Variants in SNAP47 observed in about 807,000 individuals in gnomAD.
The protein encoded by SNAP47 is synaptosomal-associated protein 47.
In SNAP47, 20 loss-of-function variants were observed where a neutral mutation model predicts 31.4. That is an observed-to-expected ratio of 0.64 (90% confidence interval 0.45 to 0.93). The LOEUF is 0.93. Among genes scored for constraint, SNAP47 ranks in the 40% least tolerant of loss-of-function variants. The pLI is 0.00. For synonymous variants in SNAP47, 194 were observed against 213.4 expected (o/e 0.91, Z 0.79); for missense variants, 492 against 528.5 (o/e 0.93, Z 0.68).
chr1:227,760,679 G>A (rs1241495813), intron 3 of SNAP47, among the ~76,000 whole-genome samples: 1 of 152,218 alleles, frequency 6.6e-6, no homozygotes, highest in Non-Finnish European at 1.5e-5. Flanking sequence ...CCCTTTCCTT[G>A]GTTAGGAGGT....
At chr1:227,740,286 C>T (rs1558189954) in intron 1 of SNAP47, among the ~76,000 whole-genome samples, 1 of 152,198 alleles carries the variant, frequency 6.6e-6, no homozygotes, top group Non-Finnish European at 1.5e-5. Context: ...CTGCAGAGTC[C>T]ATGAGGCTGC....
intron 3 of SNAP47, among the ~76,000 whole-genome samples, chr1:227,765,895 G>T (rs1663363036): frequency 6.6e-6 from 1 of 152,208 alleles, no homozygotes; most frequent in Non-Finnish European, 1.5e-5. Context: ...GGGGTTGATA[G>T]GCTGGCGGGG....
intron 4 of SNAP47, chr1:227,775,931 A>G: frequency 1.5e-6 from 2 of 1,298,558 alleles, no homozygotes; most frequent in Non-Finnish European, 1.0e-6. Context: ...TGCTCAGGGC[A>G]TGAGGGAGCC....
chr1:227,739,801 C>A (rs1661469802), intron 1 of SNAP47, among the ~76,000 whole-genome samples: 1 of 152,206 alleles, frequency 6.6e-6, no homozygotes, highest in African/African-American at 2.4e-5. Flanking sequence ...CACCCTTGGG[C>A]CCCTGGCCAT....
chr1:227,775,602 A>C (rs1188004884), intron 4 of SNAP47, among the ~76,000 whole-genome samples: 1 of 152,222 alleles, frequency 6.6e-6, no homozygotes, highest in Non-Finnish European at 1.5e-5. Context: ...CAGCGAACGC[A>C]CAAGGCTGGG....
chr1:227,758,973 C>A, intron 2 of SNAP47, 22 bp from the exon 3 acceptor site: 1 of 1,557,284 alleles, frequency 6.4e-7, no homozygotes, highest in Non-Finnish European at 8.6e-7. Flanking sequence ...TCCAGTTTTC[C>A]ATGTTTTGTT....
intron 3 of SNAP47, among the ~76,000 whole-genome samples, chr1:227,761,712 G>A (rs1195585226): frequency 6.6e-6 from 1 of 152,178 alleles, no homozygotes; most frequent in Non-Finnish European, 1.5e-5. Context: ...GACTGAAGAG[G>A]GGTCCCTGGG....
At position 227,759,374 on chromosome 1, in the gene SNAP47, A is replaced by T. The variant is rs1040957434; in HGVS notation, c.877A>T (p.Ile293Phe). 1.9e-6 allele frequency: 3 copies of T among 1,614,116 alleles called. No homozygotes were observed. In the African/African-American group the frequency reaches 4.0e-5, roughly 22 times the overall value. ...ISAKMPEVIPILEVQFSKKME... is the reference protein window; with the variant it reads ...ISAKMPEVIPFLEVQFSKKME... The stretch of plus-strand genomic sequence containing the variant: ...TGCCAAGATGCCAGAGGTTATCCCC[A>T]TTTTAGAAGTGCAGTTCAGCAAGAA... Residue 293 changes from isoleucine to phenylalanine, a missense_variant, in exon 3 of 5, where the codon ATT becomes TTT. By Grantham distance (21) the Ile-to-Phe change is conservative. Coordinates refer to ENST00000617596, the MANE Select transcript of SNAP47 (RefSeq NM_053052.4).
At chr1:227,734,667 C>G (rs1660942052), upstream of SNAP47, 1 of 1,614,084 alleles carries the variant, frequency 6.2e-7, no homozygotes, top group East Asian at 2.2e-5. Flanking sequence ...AAGTGCCAGT[C>G]TTTGAGGTAG....
In SNAP47 at chr1:227,773,786, GC is replaced by G. The variant is rs1333927945; in HGVS notation, c.1113+6705del. Among the ~76,000 whole-genome samples the G allele has an allele frequency of 2.0e-5, 3 of 152,362 alleles. No homozygotes were observed. In the East Asian group the frequency reaches 5.8e-4, roughly 29 times the overall value. ...TTGGGGGGGTGTGCCCCGCTACACA[GC>G]CGGCCACCACAGGCCCTGCCCCCTC... On this transcript the variant is annotated intron_variant, in intron 4 of 4. Coordinates refer to ENST00000617596, the MANE Select transcript of SNAP47 (RefSeq NM_053052.4).
chr1:227,767,701 C>T (rs1476457620), intron 4 of SNAP47, among the ~76,000 whole-genome samples: 3 of 151,266 alleles, frequency 2.0e-5, no homozygotes, highest in Non-Finnish European at 4.4e-5. Flanking sequence ...GTGTGTGGAG[C>T]GTGCATGTAC....
chr1:227,743,964 C>T (rs889864491), intron 1 of SNAP47: 1 of 152,192 alleles, frequency 6.6e-6, no homozygotes, highest in Non-Finnish European at 1.5e-5. Context: ...CCTTCAGTAC[C>T]TGTGGTTTGG....
rs1025399104 is a variant in SNAP47 at position 227,768,280 on chromosome 1, G to A, written c.1113+1197G>A. ...CCTGGAAAAAGCAAAGCTGTCTGTT[G>A]GGCTGAGACTGTGCACTTTGGATCT... On this transcript the variant is annotated intron_variant, in intron 4 of 4. Coordinates refer to ENST00000617596, the MANE Select transcript of SNAP47 (RefSeq NM_053052.4). 7.1e-6 allele frequency: 7 copies of A among 985,324 alleles called. No individual in the cohort carries two copies. The Admixed American group carries it at 3.1e-4, about 43-fold the overall frequency. The allele number at this position is 985,324 out of a possible 1,614,324, so 61.0% of individuals were successfully genotyped here.
intron 1 of SNAP47, among the ~76,000 whole-genome samples, chr1:227,739,490 G>A (rs1399171851): frequency 6.6e-6 from 1 of 152,224 alleles, no homozygotes; most frequent in African/African-American, 2.4e-5. Flanking sequence ...CTGAGGAGCA[G>A]GGGAGGGGAG....
chr1:227,769,111 C>T (rs1663627113), intron 4 of SNAP47, among the ~76,000 whole-genome samples: 1 of 152,188 alleles, frequency 6.6e-6, no homozygotes. Context: ...CTGCACGGAG[C>T]TGAGGGTGAG....
At chr1:227,732,911 G>A (rs1660762725), upstream of SNAP47, 8 of 1,612,866 alleles carry the variant, frequency 5.0e-6, no homozygotes, top group African/African-American at 1.3e-5. Context: ...CGGGCATGGA[G>A]TCCCTCCACT....
upstream of SNAP47, chr1:227,735,094 G>A (rs1353114102): frequency 3.4e-5 from 53 of 1,573,166 alleles, no homozygotes; most frequent in Non-Finnish European, 4.3e-5. Context: ...CCTGCGTGAA[G>A]GCGCTGGAAA....
intron 4 of SNAP47, chr1:227,776,016 G>C: frequency 1.6e-6 from 2 of 1,214,736 alleles, no homozygotes; most frequent in Non-Finnish European, 2.1e-6. Flanking sequence ...CTATCCTGGG[G>C]GACCATGGCC....
chr1:227,731,412 T>G (rs891612811), upstream of SNAP47: 12 of 152,140 alleles, frequency 7.9e-5, no homozygotes, highest in African/African-American at 2.9e-4. Flanking sequence ...GGATGCCTCC[T>G]CCCCTGCTGG....
Sources: allele counts gnomAD v4.1 joint callset (sites outside exome capture counted in the v4.1 genomes callset), GRCh38; gene constraint gnomAD v4.1.1; transcripts MANE v1.5; gene names NCBI Gene and HGNC (gene_info 2026-07-23, HGNC 2026-07-21).